The following DGKH variants were observed in gnomAD, a reference collection of about 807,000 sequenced individuals.
The protein encoded by DGKH is diacylglycerol kinase eta, also known as DAG kinase eta.
A neutral mutation model predicts 159.3 loss-of-function variants in DGKH; 90 were observed. That is an observed-to-expected ratio of 0.57 (90% CI 0.48 to 0.67). DGKH has a LOEUF of 0.67. Among genes scored for constraint, DGKH ranks in the 30% least tolerant of loss-of-function variants. The pLI, the probability that DGKH is intolerant of heterozygous loss-of-function variation, is 0.00. For synonymous variants in DGKH, 536 were observed against 553.8 expected, an observed-to-expected ratio of 0.97 and a Z score of 0.45; for missense variants, 1,181 against 1,506.1, an observed-to-expected ratio of 0.78 and a Z score of 3.57.
intron 3 of DGKH, among the ~76,000 whole-genome samples, chr13:42,141,260 C>T (rs1394969116): frequency 2.6e-5 from 4 of 151,836 alleles, no homozygotes; most frequent in African/African-American, 9.7e-5. Context: ...GCATAGTATT[C>T]CATGGTGTAT....
intron 12 of DGKH, among the ~76,000 whole-genome samples, chr13:42,175,548 A>G (rs1956578262): frequency 6.6e-6 from 1 of 152,148 alleles, no homozygotes; most frequent in African/African-American, 2.4e-5. Context: ...TACTTCAGAA[A>G]TGTCTGTTTT....
intron 3 of DGKH, among the ~76,000 whole-genome samples, chr13:42,139,484 G>A (rs1015012719): frequency 6.6e-6 from 1 of 152,166 alleles, no homozygotes; most frequent in African/African-American, 2.4e-5. Context: ...TTCAGTCAGG[G>A]TGTCATGATC....
At chr13:42,163,463 G>T (rs1471962718) in intron 7 of DGKH, among the ~76,000 whole-genome samples, 1 of 152,072 alleles carries the variant, frequency 6.6e-6, no homozygotes, top group East Asian at 1.9e-4. Flanking sequence ...GTTGAACCAG[G>T]TTACAGTCCC....
chr13:42,210,471 G>A, intron 23 of DGKH, 131 bp from the exon 24 acceptor site: 3 of 880,764 alleles, frequency 3.4e-6, no homozygotes, highest in Non-Finnish European at 5.2e-6. Flanking sequence ...ACTTTGAAAT[G>A]TCTTTTTTAT....
At chr13:42,046,441 A>T (rs1880798252), upstream of DGKH, among the ~76,000 whole-genome samples, 1 of 152,230 alleles carries the variant, frequency 6.6e-6, no homozygotes, top group Admixed American at 6.5e-5. Context: ...GGTATCTTAA[A>T]TAATGGATTC....
intron 29 of DGKH, among the ~76,000 whole-genome samples, chr13:42,248,244 A>G (rs1958595681): frequency 6.6e-6 from 1 of 152,088 alleles, no homozygotes; most frequent in South Asian, 2.1e-4. Flanking sequence ...CAACATAGTG[A>G]AACCCTGTGT....
chr13:42,105,521 T>C (rs1437407295), intron 1 of DGKH, among the ~76,000 whole-genome samples: 1 of 152,200 alleles, frequency 6.6e-6, no homozygotes, highest in Non-Finnish European at 1.5e-5. Flanking sequence ...CTTTTGGAGA[T>C]GAGTAGTGAA....
In DGKH at chr13:42,172,449, C is replaced by T. The variant is rs1300729890; in HGVS notation, c.1368-1611C>T. ...AGCTAAAAGTAACTAGTTTACATGTCCCAAAATATAATGTATGTCTATTGG... is the reference window on the plus strand; with the variant it reads ...AGCTAAAAGTAACTAGTTTACATGTTCCAAAATATAATGTATGTCTATTGG... On this transcript the variant is annotated intron_variant, in intron 11 of 29. Transcript: ENST00000337343. Among the ~76,000 whole-genome samples the T allele has an allele frequency of 2.0e-5, 3 of 152,116 alleles. No individual in the cohort carries two copies. In the East Asian group the frequency reaches 5.8e-4, roughly 29 times the overall value.
chr13:42,045,376 C>T (rs1371912461), upstream of DGKH, among the ~76,000 whole-genome samples: 1 of 152,178 alleles, frequency 6.6e-6, no homozygotes, highest in African/African-American at 2.4e-5. Context: ...GCTGATAAAA[C>T]TATCCAGGTC....
chr13:42,241,766 G>C lies in DGKH; in HGVS notation c.*12578G>C, dbSNP rs963335270. The C allele has an allele frequency of 6.6e-6, 1 of 152,168 alleles. No homozygotes were observed. Among genetic ancestry groups the C allele is most frequent in the Non-Finnish European group, 1.5e-5 (1 of 68,010 alleles). The allele number at this position is 152,168 out of a possible 1,614,324, so 9.4% of individuals were successfully genotyped here. A position where few individuals can be genotyped will look rare whatever the true frequency, so the allele number is the denominator to read the frequency against. Reference sequence around the variant, plus strand: ...CGGTAATATTTAACAGGTAGCATACGTATCTAAGCATATAGTAAATATTAC... The same window carrying C: ...CGGTAATATTTAACAGGTAGCATACCTATCTAAGCATATAGTAAATATTAC... On this transcript the variant is annotated 3_prime_UTR_variant, in exon 30 of 30. Transcript: ENST00000337343.
chr13:42,182,175 CA>C (rs1294305519), intron 13 of DGKH, among the ~76,000 whole-genome samples: 1 of 152,254 alleles, frequency 6.6e-6, no homozygotes, highest in Non-Finnish European at 1.5e-5. Flanking sequence ...GCTGGAGGTG[CA>C]GCTTTGACTT....
intron 29 of DGKH, among the ~76,000 whole-genome samples, chr13:42,227,459 A>G (rs1170745767): frequency 2.0e-5 from 3 of 152,164 alleles, no homozygotes; most frequent in African/African-American, 4.8e-5. Context: ...TTGCATACCT[A>G]TGTTTTCACA....
chr13:42,214,597 C>A lies in DGKH; in HGVS notation c.3105C>A (p.Asn1035Lys), dbSNP rs778384903. Residue 1035 changes from asparagine (N) to lysine (K), a missense_variant, in exon 25 of 30, where the codon AAC becomes AAA. Physicochemically the swap from Asn to Lys is moderately conservative, Grantham distance 94. Coordinates refer to ENST00000337343, the MANE Select transcript of DGKH (RefSeq NM_178009.5). ...NACSHALNKANPRCPESLTRD... is the reference protein window; with the variant it reads ...NACSHALNKAKPRCPESLTRD... Reference sequence around the variant, plus strand: ...GCTCCCATGCCCTGAATAAAGCCAACCCAAGGTGCCCGGAGGTGAGGATCT... The same window carrying A: ...GCTCCCATGCCCTGAATAAAGCCAAACCAAGGTGCCCGGAGGTGAGGATCT... 1 of 1,613,458 alleles carries A rather than the reference C, an allele frequency of 6.2e-7. No homozygotes were observed. Among genetic ancestry groups the A allele is most frequent in the African/African-American group, 1.3e-5 (1 of 75,012 alleles).
At chr13:42,147,648 A>G (rs755725692) in intron 3 of DGKH, among the ~76,000 whole-genome samples, 1 of 152,232 alleles carries the variant, frequency 6.6e-6, no homozygotes, top group Non-Finnish European at 1.5e-5. Context: ...ATGGTAAAAC[A>G]TTTAATGTGT....
intron 1 of DGKH, among the ~76,000 whole-genome samples, chr13:42,095,728 TA>T (rs1954517152): frequency 6.6e-6 from 1 of 152,226 alleles, no homozygotes; most frequent in Admixed American, 6.5e-5. Context: ...CCCACTTCTA[TA>T]AAGCAGTATT....
intron 20 of DGKH, among the ~76,000 whole-genome samples, chr13:42,203,324 A>G (rs1451703583): frequency 2.0e-5 from 3 of 152,234 alleles, no homozygotes; most frequent in African/African-American, 4.8e-5. Context: ...GGAAGAGCCA[A>G]CATTTCAAAT....
At chr13:42,198,622 T>C (rs1251024551) in intron 18 of DGKH, 27 bp downstream of exon 18, 1 of 1,568,180 alleles carries the variant, frequency 6.4e-7, no homozygotes, top group African/African-American at 1.5e-5. Context: ...GCAAATATTT[T>C]GTTTGGGTTT....
At position 42,239,561 on chromosome 13, in the gene DGKH, TAA is replaced by T. The variant is rs1470474417; in HGVS notation, c.*10375_*10376del. The T allele has an allele frequency of 4.6e-5, 7 of 152,782 alleles. No individual in the cohort carries two copies. The highest frequency in any genetic ancestry group is 5.9e-5 in the Non-Finnish European group (4 of 68,018). The allele number at this position is 152,782 out of a possible 1,614,324, so 9.5% of individuals were successfully genotyped here. A position where few individuals can be genotyped will look rare whatever the true frequency, so the allele number is the denominator to read the frequency against. On this transcript the variant is annotated 3_prime_UTR_variant, in exon 30 of 30. Coordinates refer to ENST00000337343, the MANE Select transcript of DGKH (RefSeq NM_178009.5). ...ATGCTGTGTTTCTCATTAGTTGCAG[TAA>T]AGTGTTGATTTCATTGCTGCCTTTC...
In DGKH at chr13:42,187,055, ATG is replaced by A; in HGVS notation, c.1548_1549del (p.Cys516Ter). 6.2e-7 allele frequency: 1 copy of A among 1,613,912 alleles called. No homozygotes were observed. Among genetic ancestry groups the A allele is most frequent in the Non-Finnish European group, 8.5e-7 (1 of 1,179,832 alleles). ...CAACTTCTTTTCCTCAAAGGACGCT[ATG>A]TGAAACTGTAAAGGACTTCGTTGCC... ...AVVISSAKTLCETVKDFVAKV... is the reference protein window; with the variant it reads ...AVVISSAKTLXETVKDFVAKV... On this transcript the variant is annotated frameshift_variant, in exon 14 of 30. Transcript: ENST00000337343. LOFTEE classifies it high-confidence loss of function.
Sources: gnomAD v4.1 joint callset for allele counts (sites outside exome capture counted in the v4.1 genomes callset) on GRCh38, gnomAD v4.1.1 for gene constraint, MANE v1.5 for transcripts, NCBI Gene and HGNC (gene_info 2026-07-23, HGNC 2026-07-21) for gene names.